MRRF: variants seen among roughly 807,000 people sequenced by gnomAD.
The protein encoded by MRRF is ribosome-recycling factor, mitochondrial.
Under a neutral mutation model 25.1 loss-of-function variants are expected in MRRF, and 18 were observed. The ratio of observed to expected loss-of-function variants is 0.72; its 90% CI spans 0.50 to 1.06. The LOEUF (loss-of-function observed/expected upper bound fraction) is 1.06. Ranked by LOEUF, MRRF falls within the 50% of genes least tolerant of loss-of-function variation. MRRF has a pLI of 0.00. For synonymous variants in MRRF, 113 were observed against 112.1 expected (o/e 1.01, Z -0.05); for missense variants, 323 against 319.3 (o/e 1.01, Z -0.09).
rs1421005093 is a variant in MRRF at position 122,325,182 on chromosome 9, G to C, written c.*2565G>C. Reference sequence around the variant, plus strand: ...AAAAACTTATTTGGTGAACAGACAGGGAGGAAAATGAAAGATTTTCTGTAC... The same window carrying C: ...AAAAACTTATTTGGTGAACAGACAGCGAGGAAAATGAAAGATTTTCTGTAC... On this transcript the variant is annotated 3_prime_UTR_variant, in exon 7 of 7. Transcript: ENST00000344641. 6.6e-6 allele frequency: 1 copy of C among 152,154 alleles called. No individual in the cohort carries two copies. The highest frequency in any genetic ancestry group is 2.4e-5 in the African/African-American group (1 of 41,422). 9.4% of individuals were successfully genotyped at this position (152,154 alleles called of 1,614,324 possible).
intron 6 of MRRF, among the ~76,000 whole-genome samples, chr9:122,317,067 AAT>A (rs71847269): frequency 0.019 from 2,719 of 145,156 alleles, 64 homozygotes; most frequent in African/African-American, 0.059. Context: ...GGTTGCAGTG[AAT>A]ATATATATAT....
At chr9:122,318,472 A>G (rs1453150124) in intron 6 of MRRF, among the ~76,000 whole-genome samples, 1 of 152,216 alleles carries the variant, frequency 6.6e-6, no homozygotes, top group Non-Finnish European at 1.5e-5. Flanking sequence ...GTGCTAGCAG[A>G]GCTAAAGGAG....
chr9:122,266,848 C>T (rs574637269), intron 1 of MRRF, among the ~76,000 whole-genome samples: 32 of 152,278 alleles, frequency 2.1e-4, no homozygotes, highest in African/African-American at 2.9e-4. Context: ...CCCAGGCGGG[C>T]GGATCACGAG....
chr9:122,312,819 A>G (rs1359534025), intron 5 of MRRF, among the ~76,000 whole-genome samples: 1 of 152,224 alleles, frequency 6.6e-6, no homozygotes, highest in African/African-American at 2.4e-5. Flanking sequence ...AATTCCTTAA[A>G]TGAAGCATGG....
rs189307615 is a variant in MRRF, at chr9:122,331,075, C to G, written c.*8458C>G. The G allele has an allele frequency of 3.3e-5, 5 of 152,078 alleles. No homozygotes were observed. The highest frequency in any genetic ancestry group is 6.5e-5 in the Admixed American group (1 of 15,278). 9.4% of individuals were successfully genotyped at this position (152,078 alleles called of 1,614,324 possible). A position where few individuals can be genotyped will look rare whatever the true frequency, so the allele number is the denominator to read the frequency against. On this transcript the variant is annotated 3_prime_UTR_variant, in exon 7 of 7. Transcript: ENST00000344641. ...GCCAGTGAGAGCTTCTGGGTCCTGT[C>G]GCAGTTTTGCCCTTTCTTCCCTCAA...
At chr9:122,307,559 C>G (rs144401603) in intron 5 of MRRF, among the ~76,000 whole-genome samples, 63 of 152,322 alleles carry the variant, frequency 4.1e-4, no homozygotes, top group Non-Finnish European at 7.5e-4. Context: ...ATAATTTACT[C>G]AGCTATCCTT....
At chr9:122,269,728 AAGAT>A (rs1337020452) in intron 1 of MRRF, among the ~76,000 whole-genome samples, 1 of 152,168 alleles carries the variant, frequency 6.6e-6, no homozygotes, top group East Asian at 1.9e-4. Flanking sequence ...TCAGTCTCAA[AAGAT>A]AATAAAGATA....
chr9:122,290,989 G>A (rs1833722448), intron 4 of MRRF, among the ~76,000 whole-genome samples: 1 of 152,178 alleles, frequency 6.6e-6, no homozygotes, highest in Admixed American at 6.5e-5. Context: ...TATATAATAT[G>A]TTCATATAAC....
chr9:122,269,446 C>G (rs953088181), intron 1 of MRRF, among the ~76,000 whole-genome samples: 1 of 151,986 alleles, frequency 6.6e-6, no homozygotes, highest in Non-Finnish European at 1.5e-5. Context: ...TTTTAGAGGC[C>G]GGGCATGGTG....
In MRRF at chr9:122,278,998, G is replaced by A. The variant is rs569357428; in HGVS notation, c.185-1445G>A. ...AGCGATTCTCCTGCCCCAGCCTCCC[G>A]AGTAGCCGGGATTACAGGCACACGC... On this transcript the variant is annotated intron_variant, in intron 2 of 6. Transcript: ENST00000344641. Among the ~76,000 whole-genome samples the A allele has an allele frequency of 1.1e-4, 17 of 151,950 alleles. No homozygotes were observed. In the East Asian group the frequency reaches 2.1e-3, roughly 19 times the overall value.
chr9:122,330,915 G>GC lies in MRRF; in HGVS notation c.*8299dup, dbSNP rs1427658415. ...ACTGCACTGCAGCATGGGCAACAGAGCGAGACTCTGTCTCCACACAGAGGA... is the reference window on the plus strand; with the variant it reads ...ACTGCACTGCAGCATGGGCAACAGAGCCGAGACTCTGTCTCCACACAGAGGA... On this transcript the variant is annotated 3_prime_UTR_variant, in exon 7 of 7. Transcript: ENST00000344641. This position sits in a 1 kb window ranked among gnomAD's most constrained non-coding sequence, Gnocchi z 4.2. 1 of 152,260 alleles carries GC rather than the reference G, an allele frequency of 6.6e-6. No homozygotes were observed. Among genetic ancestry groups the GC allele is most frequent in the Non-Finnish European group, 1.5e-5 (1 of 68,110 alleles). The allele number at this position is 152,260 out of a possible 1,614,324, so 9.4% of individuals were successfully genotyped here. A position where few individuals can be genotyped will look rare whatever the true frequency, so the allele number is the denominator to read the frequency against.
intron 3 of MRRF, among the ~76,000 whole-genome samples, chr9:122,282,098 A>G (rs1833123223): frequency 6.6e-6 from 1 of 152,166 alleles, no homozygotes; most frequent in African/African-American, 2.4e-5. Flanking sequence ...CGTTCTGTAT[A>G]GAATTTGGGG....
rs1836196561 is a variant in MRRF, at chr9:122,328,418, A to G, written c.*5801A>G. 6.6e-6 allele frequency: 1 copy of G among 152,134 alleles called. No homozygotes were observed. Among genetic ancestry groups the G allele is most frequent in the East Asian group, 1.9e-4 (1 of 5,200 alleles). 9.4% of individuals were successfully genotyped at this position (152,134 alleles called of 1,614,324 possible). The stretch of plus-strand genomic sequence containing the variant: ...TCCCCCTTCTCAGCCCCCAGCAACC[A>G]CCATTTATGAATTTATAAATTTGAT... On this transcript the variant is annotated 3_prime_UTR_variant, in exon 7 of 7. Coordinates refer to ENST00000344641, the MANE Select transcript of MRRF (RefSeq NM_138777.5).
Position 122,308,027 on chromosome 9 carries a change from ATTG to A in MRRF, c.552-5197_552-5195del, listed in dbSNP as rs1259667561. ...TAGCAGTGGGGCATGCCCTCTGCTT[ATTG>A]TTCATAGGAACATGCTCAAGGAATT... is the stretch of plus-strand genomic sequence containing the variant. On this transcript the variant is annotated intron_variant, in intron 5 of 6. Transcript: ENST00000344641. Among the ~76,000 whole-genome samples the A allele has an allele frequency of 2.0e-5, 3 of 152,144 alleles. No individual in the cohort carries two copies. In the East Asian group the frequency reaches 5.8e-4, roughly 29 times the overall value.
At chr9:122,322,515 G>A in intron 6 of MRRF, 25 bp from the exon 7 acceptor site, 1 of 1,608,996 alleles carries the variant, frequency 6.2e-7, no homozygotes, top group Non-Finnish European at 8.5e-7. Context: ...CATTAATCAG[G>A]CTGTCTCATT....
chr9:122,313,049 T>C (rs1311252650), intron 5 of MRRF, among the ~76,000 whole-genome samples, 178 bp from the exon 6 acceptor site: 2 of 152,196 alleles, frequency 1.3e-5, no homozygotes, highest in Non-Finnish European at 2.9e-5. Context: ...AGTTTGCCCA[T>C]GTTTGGGCAA....
intron 2 of MRRF, among the ~76,000 whole-genome samples, chr9:122,278,039 A>G (rs1212935311): frequency 6.6e-6 from 1 of 151,934 alleles, no homozygotes; most frequent in Non-Finnish European, 1.5e-5. Context: ...TATCATTTTT[A>G]TGTGTTGGGA....
At chr9:122,299,820 T>C (rs1337682850) in intron 5 of MRRF, among the ~76,000 whole-genome samples, 1 of 151,978 alleles carries the variant, frequency 6.6e-6, no homozygotes, top group Non-Finnish European at 1.5e-5. Context: ...TCTGAGATTA[T>C]TGGACTTAGC....
intron 6 of MRRF, among the ~76,000 whole-genome samples, chr9:122,317,544 A>G (rs146699307): frequency 0.015 from 2,231 of 152,274 alleles, 25 homozygotes; most frequent in Non-Finnish European, 0.023. Context: ...ATTCATTAGA[A>G]TCTACATAGA....
Sources: gnomAD v4.1 joint callset for allele counts (sites outside exome capture counted in the v4.1 genomes callset) on GRCh38, gnomAD v4.1.1 for gene constraint, Gnocchi (gnomAD v3.1) non-coding constraint, MANE v1.5 for transcripts, NCBI Gene and HGNC (gene_info 2026-07-23, HGNC 2026-07-21) for gene names.